Variants in GRTP1 observed in about 807,000 individuals in gnomAD.
GRTP1 encodes growth hormone regulated TBC protein 1, also known as growth hormone-regulated TBC protein 1.
Under a neutral mutation model 38.1 loss-of-function variants are expected in GRTP1, and 56 were observed. The ratio of observed to expected loss-of-function variants is 1.47; its 90% CI spans 1.19 to 1.84. The LOEUF (loss-of-function observed/expected upper bound fraction) is 1.84, where lower values mean the gene tolerates loss of function less well. Among genes scored for constraint, GRTP1 ranks in the 40% most tolerant of loss-of-function variants. The probability of loss-of-function intolerance (pLI) is 0.00; values close to 1 mark genes in which losing one functional copy is unlikely to be tolerated. For synonymous variants in GRTP1, 217 were observed against 189.5 expected (o/e 1.14, Z -1.19); for missense variants, 506 against 453.9 (o/e 1.11, Z -1.04).
rs2043053052 is a variant in GRTP1 at position 113,343,414 on chromosome 13, G to A, written c.562+1449C>T. On this transcript the variant is annotated intron_variant, in intron 5 of 7. Coordinates refer to ENST00000375431, the MANE Select transcript of GRTP1 (RefSeq NM_024719.4). The surrounding 1 kb of genome is among the most constrained non-coding windows in gnomAD (Gnocchi z 4.8). ...GAGCTCTGTGGGGTTCCCTTCCTCTGGGGCGGCTCCGTCAGGCTGGTCTCT... is the reference window on the plus strand; with the variant it reads ...GAGCTCTGTGGGGTTCCCTTCCTCTAGGGCGGCTCCGTCAGGCTGGTCTCT... 1.3e-5 allele frequency among the ~76,000 whole-genome samples: 2 copies of A among 152,288 alleles called. No individual in the cohort carries two copies. Among genetic ancestry groups the A allele is most frequent in the African/African-American group, 4.8e-5 (2 of 41,578 alleles).
chr13:113,344,065 T>C (rs2043063428), intron 5 of GRTP1, among the ~76,000 whole-genome samples: 1 of 152,250 alleles, frequency 6.6e-6, no homozygotes, highest in Non-Finnish European at 1.5e-5. Flanking sequence ...TTGAAAAGAA[T>C]GGTTTTCACC....
chr13:113,324,729 C>T, intron 7 of GRTP1, 152 bp from the exon 8 acceptor site: 3 of 1,419,512 alleles, frequency 2.1e-6, no homozygotes, highest in Non-Finnish European at 2.8e-6. Flanking sequence ...CAGATTGTCA[C>T]CATCTCACTC....
rs569021475 is a variant in GRTP1 at position 113,342,806 on chromosome 13, T to G, written c.562+2057A>C. Among the ~76,000 whole-genome samples, 86 of 152,284 alleles carry G rather than the reference T, an allele frequency of 5.6e-4. No homozygotes were observed. Among genetic ancestry groups the G allele is most frequent in the South Asian group, 1.5e-3 (7 of 4,822 alleles). ...CTCCCATGATCCTAACAGTTTAGTTTTTGTACTTTCTTTTCTTTTTGAATC... is the reference window on the plus strand; with the variant it reads ...CTCCCATGATCCTAACAGTTTAGTTGTTGTACTTTCTTTTCTTTTTGAATC... On this transcript the variant is annotated intron_variant, in intron 5 of 7. Transcript: ENST00000375431. The surrounding 1 kb of genome is among the most constrained non-coding windows in gnomAD (Gnocchi z 4.5).
At position 113,348,034 on chromosome 13, in the gene GRTP1, G is replaced by A. The variant is rs562715178; in HGVS notation, c.465+2815C>T. Among the ~76,000 whole-genome samples, 12 of 152,124 alleles carry A rather than the reference G, an allele frequency of 7.9e-5. No individual in the cohort carries two copies. The highest frequency in any genetic ancestry group is 3.9e-4 in the East Asian group (2 of 5,176). ...CGGACCTGGGAGGACCTGTCTGGCC[G>A]AGTGGACCCGGGAGGATCTCCGTGG... On this transcript the variant is annotated intron_variant, in intron 4 of 7. Transcript: ENST00000375431. This position sits in a 1 kb window ranked among gnomAD's most constrained non-coding sequence, Gnocchi z 4.8.
At chr13:113,359,060 A>G (rs989258763) in intron 2 of GRTP1, among the ~76,000 whole-genome samples, 2 of 152,222 alleles carry the variant, frequency 1.3e-5, no homozygotes, top group Admixed American at 1.3e-4. Context: ...TACCTCAGCA[A>G]TAAAAAGGAA....
chr13:113,353,646 C>T (rs1025373936), intron 3 of GRTP1, among the ~76,000 whole-genome samples: 11 of 152,116 alleles, frequency 7.2e-5, no homozygotes, highest in East Asian at 1.9e-4. Flanking sequence ...CAGAGACAAG[C>T]GCACAGCGGG....
chr13:113,350,725 C>A (rs1029727305), intron 4 of GRTP1, 124 bp downstream of exon 4: 16 of 909,980 alleles, frequency 1.8e-5, no homozygotes, highest in African/African-American at 3.4e-5. Context: ...CTCAATGGGG[C>A]ATCAGGACGT....
At chr13:113,340,523 A>G (rs2043012045) in intron 5 of GRTP1, among the ~76,000 whole-genome samples, 1 of 138,896 alleles carries the variant, frequency 7.2e-6, no homozygotes, top group South Asian at 2.3e-4. Flanking sequence ...TCACGCCTGT[A>G]ATCCCAGCAC....
chr13:113,358,384 C>T (rs1595515291), intron 2 of GRTP1, among the ~76,000 whole-genome samples: 4 of 152,270 alleles, frequency 2.6e-5, no homozygotes, highest in Non-Finnish European at 4.4e-5. Context: ...ACTCTTAAGA[C>T]GTCAGTTCTT....
intron 5 of GRTP1, among the ~76,000 whole-genome samples, chr13:113,331,033 GGT>G (rs1170097168): frequency 2.0e-5 from 3 of 150,302 alleles, no homozygotes; most frequent in Non-Finnish European, 4.4e-5. Flanking sequence ...TTGGAGCACA[GGT>G]GTGTGCATGG....
At position 113,358,203 on chromosome 13, in the gene GRTP1, A is replaced by G. The variant is rs144604205; in HGVS notation, c.182-2722T>C. ...TCTCAAAAAATAAATACATAAAAAT[A>G]AAAAAATAAAATTGGCATCATTTAC... On this transcript the variant is annotated intron_variant, in intron 2 of 7. Transcript: ENST00000375431. 2.9e-4 allele frequency among the ~76,000 whole-genome samples: 44 copies of G among 152,324 alleles called. No individual in the cohort carries two copies. The East Asian group carries it at 8.3e-3, about 29-fold the overall frequency.
At chr13:113,361,109 CAAAA>C (rs57785391) in intron 2 of GRTP1, among the ~76,000 whole-genome samples, 21 of 92,950 alleles carry the variant, frequency 2.3e-4, no homozygotes, top group South Asian at 3.7e-4. Context: ...GACTTTGACT[CAAAA>C]AAAAAAAAAA....
rs115164642 is a variant in GRTP1, at chr13:113,349,765, A to G, written c.465+1084T>C. On this transcript the variant is annotated intron_variant, in intron 4 of 7. Coordinates refer to ENST00000375431, the MANE Select transcript of GRTP1 (RefSeq NM_024719.4). The surrounding 1 kb of genome is among the most constrained non-coding windows in gnomAD (Gnocchi z 5.0). Reference sequence around the variant, plus strand: ...CCAGGTGCCAGGCCCAGGGCTGTCCAGGCAGGGGCTCCACACTCCTCCAAA... The same window carrying G: ...CCAGGTGCCAGGCCCAGGGCTGTCCGGGCAGGGGCTCCACACTCCTCCAAA... 3.7e-3 allele frequency among the ~76,000 whole-genome samples: 568 copies of G among 152,228 alleles called. 1 individual carries two copies. Among genetic ancestry groups the G allele is most frequent in the African/African-American group, 0.013 (543 of 41,546 alleles).
intron 5 of GRTP1, among the ~76,000 whole-genome samples, chr13:113,328,456 A>G (rs1301540744): frequency 5.3e-5 from 8 of 152,208 alleles, no homozygotes; most frequent in Non-Finnish European, 1.0e-4. Context: ...ACTCTCTCAC[A>G]TGCACTCACA....
intron 4 of GRTP1, among the ~76,000 whole-genome samples, chr13:113,350,503 GCCTTCCAGCATACA>G (rs2043242687): frequency 1.2e-5 from 1 of 82,454 alleles, no homozygotes; most frequent in African/African-American, 5.1e-5. Flanking sequence ...TGGTGCACAT[GCCTTCCAGCATACA>G]CACCCCACAG....
At chr13:113,336,493 C>T (rs1381210095) in intron 5 of GRTP1, among the ~76,000 whole-genome samples, 1 of 152,124 alleles carries the variant, frequency 6.6e-6, no homozygotes, top group Non-Finnish European at 1.5e-5. Context: ...TTCTCCACTG[C>T]TGCCTGCAGA....
At chr13:113,362,585 G>C (rs2043518436) in intron 2 of GRTP1, among the ~76,000 whole-genome samples, 1 of 152,172 alleles carries the variant, frequency 6.6e-6, no homozygotes, top group Non-Finnish European at 1.5e-5. Context: ...ACAGTGAGTG[G>C]TGATTGTGCC....
At chr13:113,345,514 C>T (rs560634158) in intron 4 of GRTP1, among the ~76,000 whole-genome samples, 38 of 152,344 alleles carry the variant, frequency 2.5e-4, no homozygotes, top group Middle Eastern at 3.4e-3. Context: ...GCTTCGCAGC[C>T]GTGAGTCAGC....
chr13:113,327,111 C>CA (rs2042786021), intron 5 of GRTP1, among the ~76,000 whole-genome samples: 1 of 152,200 alleles, frequency 6.6e-6, no homozygotes, highest in South Asian at 2.1e-4. Context: ...TTTGAATGGA[C>CA]ATTTGTCTTA....
Sources: allele counts gnomAD v4.1 joint callset (sites outside exome capture counted in the v4.1 genomes callset), GRCh38; gene constraint gnomAD v4.1.1; non-coding constraint Gnocchi (gnomAD v3.1); transcripts MANE v1.5; gene names NCBI Gene and HGNC (gene_info 2026-07-23, HGNC 2026-07-21).